TRAF2: variants seen among roughly 807,000 people sequenced by gnomAD.
TRAF2 encodes the protein TNF receptor-associated factor 2.
A neutral mutation model predicts 55.6 loss-of-function variants in TRAF2; 6 were observed. The observed-to-expected ratio is 0.11, with a 90% confidence interval of 0.06 to 0.21. The LOEUF (loss-of-function observed/expected upper bound fraction) is 0.21, where lower values mean the gene tolerates loss of function less well. Ranked by LOEUF, TRAF2 falls within the 10% of genes least tolerant of loss-of-function variation. The probability of loss-of-function intolerance (pLI) is 1.00; values close to 1 mark genes in which losing one functional copy is unlikely to be tolerated. For missense variants in TRAF2, 561 were observed against 684.5 expected (o/e 0.82, Z 2.01); for synonymous variants, 329 against 276.3 (o/e 1.19, Z -1.89).
upstream of TRAF2, among the ~76,000 whole-genome samples, chr9:136,883,240 A>G (rs1020290620): frequency 6.6e-6 from 1 of 152,032 alleles, no homozygotes; most frequent in Admixed American, 6.6e-5. Flanking sequence ...AGGCATTTTC[A>G]TGAGAGCAGC....
chr9:136,926,431 T>G lies in TRAF2; in HGVS notation c.*530T>G. 1 of 289,460 alleles carries G rather than the reference T, an allele frequency of 3.5e-6. No individual in the cohort carries two copies. The allele number at this position is 289,460 out of a possible 1,614,324, so 17.9% of individuals were successfully genotyped here. A position where few individuals can be genotyped will look rare whatever the true frequency, so the allele number is the denominator to read the frequency against. Reference sequence around the variant, plus strand: ...GCATTCCTAGACCCCTGGGTGCTTGTCTGCACAGAGCTCTGGTCTGTGCCA... The same window carrying G: ...GCATTCCTAGACCCCTGGGTGCTTGGCTGCACAGAGCTCTGGTCTGTGCCA... On this transcript the variant is annotated 3_prime_UTR_variant, in exon 11 of 11. Coordinates refer to ENST00000247668, the MANE Select transcript of TRAF2 (RefSeq NM_021138.4).
At chr9:136,895,867 AAAAG>A (rs1176847889) in intron 1 of TRAF2, among the ~76,000 whole-genome samples, 4 of 149,996 alleles carry the variant, frequency 2.7e-5, no homozygotes, top group Non-Finnish European at 4.4e-5. Flanking sequence ...AAAAAAAAAA[AAAAG>A]GAATGGTTCT....
rs565627525 is a variant in TRAF2, at chr9:136,895,628, G to A, written c.-28-3085G>A. Among the ~76,000 whole-genome samples the A allele has an allele frequency of 3.9e-5, 6 of 152,298 alleles. No homozygotes were observed. The East Asian group carries it at 1.2e-3, about 29-fold the overall frequency. On this transcript the variant is annotated intron_variant, in intron 1 of 10. Transcript: ENST00000247668. ...CCAGCACATTGGGAGGGCAAGGTTG[G>A]ATCACATGAGGCCAGGAGTTTAAGA...
intron 6 of TRAF2, among the ~76,000 whole-genome samples, chr9:136,911,345 AC>A (rs1265084890): frequency 7.0e-6 from 1 of 142,622 alleles, no homozygotes; most frequent in African/African-American, 2.6e-5. Context: ...GCTCACTGCA[AC>A]CTCTGCCTCC....
At chr9:136,895,084 C>T (rs1305710664) in intron 1 of TRAF2, among the ~76,000 whole-genome samples, 14 of 152,230 alleles carry the variant, frequency 9.2e-5, no homozygotes, top group Admixed American at 5.9e-4. Flanking sequence ...GCACAGCAAC[C>T]GGGGCAGAGG....
chr9:136,889,927 C>T (rs537344448), intron 1 of TRAF2, among the ~76,000 whole-genome samples: 1 of 152,034 alleles, frequency 6.6e-6, no homozygotes. Flanking sequence ...CATGCTTGTT[C>T]AGCTCGTCAC....
In TRAF2 at chr9:136,912,149, GCC is replaced by G. The variant is rs1404794939; in HGVS notation, c.603+2157_603+2158del. Reference sequence around the variant, plus strand: ...TTACAGGCGTGAGCCACTGCGTCTGGCCCTTTTTTTTTTTTTTTTTTTTTTTT... The same window carrying G: ...TTACAGGCGTGAGCCACTGCGTCTGGCTTTTTTTTTTTTTTTTTTTTTTTT... On this transcript the variant is annotated intron_variant, in intron 6 of 10. Transcript: ENST00000247668. Among the ~76,000 whole-genome samples, 250 of 130,120 alleles carry G rather than the reference GCC, an allele frequency of 1.9e-3. 8 individuals are homozygous for G. Among genetic ancestry groups the G allele is most frequent in the African/African-American group, 7.2e-3 (230 of 32,022 alleles). 85.4% of individuals were successfully genotyped at this position (130,120 alleles called of 152,430 possible). A position where few individuals can be genotyped will look rare whatever the true frequency, so the allele number is the denominator to read the frequency against.
intron 7 of TRAF2, among the ~76,000 whole-genome samples, chr9:136,917,778 C>T (rs1217016444): frequency 6.6e-6 from 1 of 152,174 alleles, no homozygotes; most frequent in Non-Finnish European, 1.5e-5. Flanking sequence ...GGATAGTCTT[C>T]TGCTGTCCGT....
chr9:136,896,265 G>C (rs1239913934), intron 1 of TRAF2, among the ~76,000 whole-genome samples: 2 of 152,244 alleles, frequency 1.3e-5, no homozygotes, highest in African/African-American at 4.8e-5. Context: ...GCTGCTTTTG[G>C]AAGGAGGAGC....
chr9:136,900,574 T>G lies in TRAF2; in HGVS notation c.366+54T>G. ...CAGAAGCTCCAGCAGTCGGGAGTCG[T>G]CCACGCTCCCCAAGCAGTTATGACC... On this transcript the variant is annotated intron_variant, in intron 4 of 10. Transcript: ENST00000247668. 2.1e-6 allele frequency: 3 copies of G among 1,438,482 alleles called. No homozygotes were observed. The East Asian group carries it at 6.9e-5, about 33-fold the overall frequency. 89.1% of individuals were successfully genotyped at this position (1,438,482 alleles called of 1,614,324 possible). A position where few individuals can be genotyped will look rare whatever the true frequency, so the allele number is the denominator to read the frequency against.
At chr9:136,889,707 C>T (rs1455884003) in intron 1 of TRAF2, 2 of 152,308 alleles carry the variant, frequency 1.3e-5, no homozygotes, top group Non-Finnish European at 2.9e-5. Context: ...GATCCTCCAA[C>T]CTCAGCCTCC....
At chr9:136,908,633 G>A (rs1352479473) in intron 5 of TRAF2, among the ~76,000 whole-genome samples, 2 of 152,172 alleles carry the variant, frequency 1.3e-5, no homozygotes, top group African/African-American at 4.8e-5. Flanking sequence ...TTGGGAGGCC[G>A]AGGCGGGCAG....
chr9:136,885,893 C>A (rs1588412190), upstream of TRAF2, among the ~76,000 whole-genome samples: 2 of 152,272 alleles, frequency 1.3e-5, no homozygotes, highest in Non-Finnish European at 2.9e-5. Context: ...AGCCTTAATA[C>A]CTTACTTAAG....
At chr9:136,918,252 TA>T (rs1564419459) in intron 7 of TRAF2, among the ~76,000 whole-genome samples, 32 of 47,772 alleles carry the variant, frequency 6.7e-4, no homozygotes, top group Middle Eastern at 0.014. Context: ...TATATATATA[TA>T]TATATTTATT....
chr9:136,909,037 CAAAAAAAA>C (rs10597975), intron 5 of TRAF2, among the ~76,000 whole-genome samples: 1 of 147,206 alleles, frequency 6.8e-6, no homozygotes, highest in Non-Finnish European at 1.5e-5. Context: ...GACTCTGTCT[CAAAAAAAA>C]AAAAAAGAAA....
intron 2 of TRAF2, 142 bp from the exon 3 acceptor site, chr9:136,899,452 A>G: frequency 1.5e-6 from 1 of 651,738 alleles, no homozygotes; most frequent in South Asian, 2.0e-5. Context: ...TGTCCTGTTA[A>G]CATTTGCCTG....
Position 136,911,843 on chromosome 9 carries a change from T to C in TRAF2, c.603+1849T>C, listed in dbSNP as rs550154578. Among the ~76,000 whole-genome samples the C allele has an allele frequency of 4.7e-4, 51 of 108,966 alleles. No individual in the cohort carries two copies. The East Asian group carries it at 8.5e-3, about 18-fold the overall frequency. The allele number at this position is 108,966 out of a possible 152,430, so 71.5% of individuals were successfully genotyped here. A position where few individuals can be genotyped will look rare whatever the true frequency, so the allele number is the denominator to read the frequency against. On this transcript the variant is annotated intron_variant, in intron 6 of 10. Transcript: ENST00000247668. Reference sequence around the variant, plus strand: ...GTGGCGTGCTTGGGATTTTCTCTTATCTCTTTTTTTTTTTTTTTTTTTTTG... The same window carrying C: ...GTGGCGTGCTTGGGATTTTCTCTTACCTCTTTTTTTTTTTTTTTTTTTTTG...
At chr9:136,912,247 C>T (rs1850133053) in intron 6 of TRAF2, among the ~76,000 whole-genome samples, 2 of 145,342 alleles carry the variant, frequency 1.4e-5, no homozygotes, top group Non-Finnish European at 3.0e-5. Context: ...ATTGCAACTT[C>T]TGCCTCCTGG....
intron 1 of TRAF2, among the ~76,000 whole-genome samples, chr9:136,892,811 C>T (rs1254342132): frequency 6.6e-6 from 1 of 151,610 alleles, no homozygotes; most frequent in Non-Finnish European, 1.5e-5. Flanking sequence ...ACCTGGGAGG[C>T]GGAGGTTGCA....
Sources: gnomAD v4.1 joint callset for allele counts (sites outside exome capture counted in the v4.1 genomes callset) on GRCh38, gnomAD v4.1.1 for gene constraint, MANE v1.5 for transcripts, NCBI Gene and HGNC (gene_info 2026-07-23, HGNC 2026-07-21) for gene names.